Variants in ADAMTS9 observed in about 807,000 individuals in gnomAD.
The protein encoded by ADAMTS9 is ADAM metallopeptidase with thrombospondin type 1 motif 9, also known as A disintegrin and metalloproteinase with thrombospondin motifs 9.
In ADAMTS9, 107 loss-of-function variants were observed where a neutral mutation model predicts 257.1. The ratio of observed to expected loss-of-function variants is 0.42; its 90% confidence interval spans 0.36 to 0.49. The LOEUF (loss-of-function observed/expected upper bound fraction) is 0.49, where lower values mean the gene tolerates loss of function less well. ADAMTS9 is among the 20% of genes least tolerant of loss of function. ADAMTS9 has a pLI of 0.03. For missense variants in ADAMTS9, 2,353 were observed against 2,469.1 expected (o/e 0.95, Z 1.00); for synonymous variants, 982 against 880.9 (o/e 1.11, Z -2.03).
chr3:64,670,548 T>C (rs1701462721), intron 3 of ADAMTS9, among the ~76,000 whole-genome samples: 1 of 152,148 alleles, frequency 6.6e-6, no homozygotes, highest in African/African-American at 2.4e-5. Context: ...ATGTATGAAA[T>C]AAGCATTTGC....
intron 38 of ADAMTS9, 50 bp downstream of exon 38, chr3:64,533,116 C>G (rs373342915): frequency 1.3e-6 from 2 of 1,519,646 alleles, no homozygotes; most frequent in Non-Finnish European, 1.8e-6. Flanking sequence ...AAGACAAGAA[C>G]GAAAGAAAGA....
intron 38 of ADAMTS9, among the ~76,000 whole-genome samples, chr3:64,529,419 C>T (rs904247672): frequency 7.8e-4 from 119 of 151,670 alleles, no homozygotes; most frequent in Non-Finnish European, 1.5e-3. Context: ...TTGAGGTTTT[C>T]ATTTTTTTTT....
At chr3:64,594,635 T>G (rs2084327861) in intron 27 of ADAMTS9, among the ~76,000 whole-genome samples, 1 of 152,228 alleles carries the variant, frequency 6.6e-6, no homozygotes, top group African/African-American at 2.4e-5. Context: ...TATTAGTTAT[T>G]AAGTGCTTTC....
chr3:64,568,428 A>C lies in ADAMTS9; in HGVS notation c.4464T>G (p.His1488Gln). 1 of 1,613,914 alleles carries C rather than the reference A, an allele frequency of 6.2e-7. No individual in the cohort carries two copies. Among genetic ancestry groups the C allele is most frequent in the Non-Finnish European group, 8.5e-7 (1 of 1,179,952 alleles). The part of the protein sequence containing the change: ...SDYCKHLAKP[H>Q]GHRKCRGGRC... ...TTCCTCCTCGGCACTTTCTGTGCCC[A>C]TGTGGCTTAGCCAGGTGCTTACAGT... Residue 1488 changes from histidine to glutamine, a missense_variant, in exon 29 of 40, where the codon CAT becomes CAG. Coordinates refer to ENST00000498707, the MANE Select transcript of ADAMTS9 (RefSeq NM_182920.2).
At chr3:64,539,125 G>T in intron 37 of ADAMTS9, 78 bp downstream of exon 37, 1 of 1,415,354 alleles carries the variant, frequency 7.1e-7, no homozygotes, top group Non-Finnish European at 1.0e-6. Flanking sequence ...ACATTCCCAG[G>T]AACAGATGCA....
chr3:64,534,025 G>C (rs1289908804), intron 37 of ADAMTS9, among the ~76,000 whole-genome samples: 1 of 152,176 alleles, frequency 6.6e-6, no homozygotes, highest in Non-Finnish European at 1.5e-5. Context: ...ACTCGCAAAG[G>C]CATCTGAAAT....
intron 26 of ADAMTS9, 47 bp from the exon 27 acceptor site, chr3:64,597,038 T>G (rs200022835): frequency 4.6e-5 from 74 of 1,607,500 alleles, no homozygotes; most frequent in Non-Finnish European, 6.1e-5. Flanking sequence ...ATCTCCATCT[T>G]AGGGACACAG....
chr3:64,549,914 C>T (rs1001303372), intron 31 of ADAMTS9, among the ~76,000 whole-genome samples: 1 of 152,232 alleles, frequency 6.6e-6, no homozygotes, highest in South Asian at 2.1e-4. Context: ...CACACATCAT[C>T]TAAATGCAAA....
rs1026339152 is a variant in ADAMTS9, at chr3:64,618,386, G to A, written c.2814-2216C>T. Among the ~76,000 whole-genome samples, 3 of 152,228 alleles carry A rather than the reference G, an allele frequency of 2.0e-5. No homozygotes were observed. The South Asian group carries it at 6.2e-4, about 32-fold the overall frequency. On this transcript the variant is annotated intron_variant, in intron 19 of 39. Coordinates refer to ENST00000498707, the MANE Select transcript of ADAMTS9 (RefSeq NM_182920.2). ...AAAAAAATAGTGACTTTCTCCAAAT[G>A]GGAAATTTAGAATTTAGAATAGCTT...
At chr3:64,624,888 T>C (rs1038722709) in intron 16 of ADAMTS9, among the ~76,000 whole-genome samples, 1 of 152,182 alleles carries the variant, frequency 6.6e-6, no homozygotes, top group African/African-American at 2.4e-5. Context: ...GTGCTGCTTT[T>C]TTCTCCCCTG....
In ADAMTS9 at chr3:64,539,283, G is replaced by C. The variant is rs146166559; in HGVS notation, c.5533C>G (p.Gln1845Glu). ...TGTCCTTCGCTTGTCCTTGCAAACT[G>C]TAAGTCAGTGGCTGTGGGGTGGAGA... ...TSMQIITTDLQFARTSEGHPV... is the reference protein window; with the variant it reads ...TSMQIITTDLEFARTSEGHPV... Residue 1845 changes from glutamine to glutamate, a missense_variant, in exon 37 of 40, where the codon CAG becomes GAG. Around this residue, in one of 3 missense-constraint regions of ADAMTS9, gnomAD observed 1,402 missense variants for 1,441.4 expected, o/e 0.97. Coordinates refer to ENST00000498707, the MANE Select transcript of ADAMTS9 (RefSeq NM_182920.2). The C allele has an allele frequency of 8.4e-5, 136 of 1,613,970 alleles. No homozygotes were observed. The African/African-American group carries it at 1.6e-3, about 19-fold the overall frequency.
At chr3:64,594,601 A>C (rs563216463) in intron 27 of ADAMTS9, among the ~76,000 whole-genome samples, 167 bp from the exon 28 acceptor site, 1 of 152,316 alleles carries the variant, frequency 6.6e-6, no homozygotes, top group East Asian at 1.9e-4. Context: ...AAACAGACCA[A>C]GACTCTCCTA....
chr3:64,540,995 T>C (rs373028356), intron 36 of ADAMTS9, 100 bp downstream of exon 36: 2 of 1,451,118 alleles, frequency 1.4e-6, no homozygotes, highest in Non-Finnish European at 1.9e-6. Flanking sequence ...ATGTGCAATG[T>C]GCAATACGCA....
rs749388192 is a variant in ADAMTS9 at position 64,641,839 on chromosome 3, A to G, written c.1856+9T>C. The G allele has an allele frequency of 6.2e-7, 1 of 1,613,956 alleles. No individual in the cohort carries two copies. The highest frequency in any genetic ancestry group is 2.2e-5 in the East Asian group (1 of 44,852). ...GGCAGTAATAACAGTTATACATTCT[A>G]GGACTTACTCTGGTCTGTTGCACTC... On this transcript the variant is annotated intron_variant, in intron 12 of 39. Coordinates refer to ENST00000498707, the MANE Select transcript of ADAMTS9 (RefSeq NM_182920.2).
At chr3:64,627,819 A>C (rs1173142975) in intron 16 of ADAMTS9, among the ~76,000 whole-genome samples, 2 of 152,184 alleles carry the variant, frequency 1.3e-5, no homozygotes, top group Non-Finnish European at 2.9e-5. Context: ...ACTGAAAAAA[A>C]ACATAAGGGA....
chr3:64,683,750 T>C (rs1442599181), intron 2 of ADAMTS9, among the ~76,000 whole-genome samples: 1 of 152,150 alleles, frequency 6.6e-6, no homozygotes, highest in African/African-American at 2.4e-5. Context: ...ACATATATGC[T>C]AAGTATATAC....
At chr3:64,609,015 GA>G (rs1199403776) in intron 22 of ADAMTS9, among the ~76,000 whole-genome samples, 4 of 145,680 alleles carry the variant, frequency 2.7e-5, no homozygotes, top group African/African-American at 7.7e-5. Context: ...TAGAACAATG[GA>G]AAAAAAAACA....
chr3:64,628,184 A>G (rs962729536), intron 16 of ADAMTS9, among the ~76,000 whole-genome samples: 1 of 152,184 alleles, frequency 6.6e-6, no homozygotes, highest in African/African-American at 2.4e-5. Flanking sequence ...GTGCCAGATG[A>G]CAAATCTTCC....
At chr3:64,644,035 C>T (rs1700725896) in intron 11 of ADAMTS9, among the ~76,000 whole-genome samples, 1 of 152,096 alleles carries the variant, frequency 6.6e-6, no homozygotes, top group Admixed American at 6.6e-5. Flanking sequence ...AAAATGGGGA[C>T]CTACTGGCCA....
Sources: gnomAD v4.1 joint callset for allele counts (sites outside exome capture counted in the v4.1 genomes callset) on GRCh38, gnomAD v4.1.1 for gene constraint, gnomAD v4.1.1 regional missense constraint, MANE v1.5 for transcripts, NCBI Gene and HGNC (gene_info 2026-07-23, HGNC 2026-07-21) for gene names.